Variants in THRAP3 observed in about 807,000 individuals in gnomAD.
THRAP3 encodes the protein thyroid hormone receptor-associated protein 3.
THRAP3 carries 16 observed loss-of-function variants against 101.0 expected under a neutral mutation model. The observed-to-expected ratio is 0.16, with a 90% CI of 0.11 to 0.24. The LOEUF (loss-of-function observed/expected upper bound fraction) is 0.24, where lower values mean the gene tolerates loss of function less well. Among genes scored for constraint, THRAP3 ranks in the 10% least tolerant of loss-of-function variants. THRAP3 has a pLI of 1.00. For missense variants in THRAP3, 989 were observed against 1,202.7 expected (o/e 0.82, Z 2.63); for synonymous variants, 407 against 422.6 (o/e 0.96, Z 0.45).
chr1:36,268,050 C>T (rs1222741463), intron 2 of THRAP3, among the ~76,000 whole-genome samples: 2 of 151,700 alleles, frequency 1.3e-5, no homozygotes, highest in African/African-American at 4.8e-5. Flanking sequence ...TGTGGTAGCA[C>T]GCAGCTGTAA....
At chr1:36,303,768 C>T (rs758692636) in intron 11 of THRAP3, 28 bp from the exon 12 acceptor site, 22 of 1,613,464 alleles carry the variant, frequency 1.4e-5, no homozygotes, top group Non-Finnish European at 1.6e-5. Flanking sequence ...TTCACTCTGG[C>T]ACTGATGGCA....
At chr1:36,249,751 TGA>T (rs1167898333) in intron 1 of THRAP3, among the ~76,000 whole-genome samples, 1 of 141,262 alleles carries the variant, frequency 7.1e-6, no homozygotes, top group Non-Finnish European at 1.6e-5. Flanking sequence ...GGTGGTTTGG[TGA>T]GAGGAGGCTA....
chr1:36,255,955 T>C (rs1450691877), intron 1 of THRAP3, among the ~76,000 whole-genome samples: 2 of 150,904 alleles, frequency 1.3e-5, no homozygotes, highest in Non-Finnish European at 3.0e-5. Flanking sequence ...GTGTGGAACA[T>C]GGGAGCGTTC....
intron 1 of THRAP3, among the ~76,000 whole-genome samples, chr1:36,239,588 C>T (rs538290763): frequency 5.3e-4 from 81 of 152,258 alleles, no homozygotes; most frequent in African/African-American, 1.9e-3. Flanking sequence ...TACATTTCAT[C>T]ATCCCTGTAA....
In THRAP3 at chr1:36,296,667, C is replaced by T. The variant is rs1307046259; in HGVS notation, c.2200C>T (p.Arg734Ter). 2 of 1,609,836 alleles carry T rather than the reference C, an allele frequency of 1.2e-6. No individual in the cohort carries two copies. Among genetic ancestry groups the T allele is most frequent in the African/African-American group, 1.3e-5 (1 of 74,734 alleles). The change falls in exon 9 of 12, where the codon CGA (arginine) becomes TGA (stop). Residue 734 changes from arginine (R) to a stop codon, truncating the protein, a stop_gained. Coordinates refer to ENST00000354618, the MANE Select transcript of THRAP3 (RefSeq NM_005119.4). LOFTEE classifies it high-confidence loss of function. Reference protein sequence around the residue: ...RKKHKERDLKRGKSRESVDSR... With the variant: ...RKKHKERDLK Reference sequence around the variant, plus strand: ...AAAACATAAGGAGAGAGATCTTAAACGAGGTAAATCGAGAGAATCAGTGGA... The same window carrying T: ...AAAACATAAGGAGAGAGATCTTAAATGAGGTAAATCGAGAGAATCAGTGGA...
At chr1:36,290,834 G>A (rs188532879) in intron 5 of THRAP3, among the ~76,000 whole-genome samples, 2 of 152,330 alleles carry the variant, frequency 1.3e-5, no homozygotes, top group East Asian at 3.9e-4. Context: ...AGAGTTGGGA[G>A]GCCAAGGCTG....
At chr1:36,281,839 G>C (rs369583953) in intron 2 of THRAP3, among the ~76,000 whole-genome samples, 3 of 152,012 alleles carry the variant, frequency 2.0e-5, no homozygotes, top group East Asian at 3.9e-4. Context: ...GGGAGGCCGA[G>C]CCGGGCAGAT....
At chr1:36,244,930 C>T (rs1282982567) in intron 1 of THRAP3, among the ~76,000 whole-genome samples, 1 of 151,942 alleles carries the variant, frequency 6.6e-6, no homozygotes, top group African/African-American at 2.4e-5. Flanking sequence ...TGATGTTGGC[C>T]AGGATGGTCT....
upstream of THRAP3, chr1:36,224,402 C>G (rs1440750054): frequency 2.0e-5 from 3 of 152,812 alleles, no homozygotes; most frequent in African/African-American, 7.2e-5. Flanking sequence ...ACGCCGTCGC[C>G]GTCGTCGGAG....
At position 36,304,479 on chromosome 1, in the gene THRAP3, T is replaced by G; in HGVS notation, c.*462T>G. Reference sequence around the variant, plus strand: ...TTTTTTTTTTCTTTTTTTAGGCATATGTAGTAATATTAGAAACATTTAATT... The same window carrying G: ...TTTTTTTTTTCTTTTTTTAGGCATAGGTAGTAATATTAGAAACATTTAATT... On this transcript the variant is annotated 3_prime_UTR_variant, in exon 12 of 12. Coordinates refer to ENST00000354618, the MANE Select transcript of THRAP3 (RefSeq NM_005119.4). The G allele has an allele frequency of 4.4e-6, 1 of 225,550 alleles. No homozygotes were observed. The highest frequency in any genetic ancestry group is 8.8e-6 in the Non-Finnish European group (1 of 113,934). The allele number at this position is 225,550 out of a possible 1,614,324, so 14.0% of individuals were successfully genotyped here. A position where few individuals can be genotyped will look rare whatever the true frequency, so the allele number is the denominator to read the frequency against.
chr1:36,225,625 C>T (rs941241618), intron 1 of THRAP3, among the ~76,000 whole-genome samples: 9 of 151,874 alleles, frequency 5.9e-5, no homozygotes, highest in Admixed American at 6.6e-5. Context: ...TATTTTTCTT[C>T]TGTTTCAGAT....
chr1:36,215,630 C>T, the THRAP3 span, among the ~76,000 whole-genome samples: 1 of 152,188 alleles, frequency 6.6e-6, no homozygotes, highest in Non-Finnish European at 1.5e-5. Flanking sequence ...TTGCAGACCA[C>T]AGTCTCTGTT....
At chr1:36,215,386 G>T in the THRAP3 span, among the ~76,000 whole-genome samples, 2 of 152,132 alleles carry the variant, frequency 1.3e-5, no homozygotes, top group Non-Finnish European at 2.9e-5. Context: ...GTCAATGGCA[G>T]ACCTAACAAC....
chr1:36,234,041 G>C (rs771186615), intron 1 of THRAP3, among the ~76,000 whole-genome samples: 11 of 151,946 alleles, frequency 7.2e-5, no homozygotes, highest in Non-Finnish European at 1.2e-4. Context: ...CCTCAGCCTG[G>C]ACCTCTTGGG....
chr1:36,292,834 C>G (rs1570341340), intron 7 of THRAP3, 125 bp downstream of exon 7: 1 of 669,976 alleles, frequency 1.5e-6, no homozygotes, highest in Non-Finnish European at 2.6e-6. Flanking sequence ...ATCCTTCAGA[C>G]TCTAAGAGAG....
intron 5 of THRAP3, among the ~76,000 whole-genome samples, chr1:36,290,987 G>C (rs1284615122): frequency 6.6e-6 from 1 of 152,068 alleles, no homozygotes; most frequent in Non-Finnish European, 1.5e-5. Context: ...TTTATTGATT[G>C]ATTGATTGAA....
At chr1:36,297,572 C>G (rs2124637381) in intron 9 of THRAP3, among the ~76,000 whole-genome samples, 1 of 151,762 alleles carries the variant, frequency 6.6e-6, no homozygotes, top group Non-Finnish European at 1.5e-5. Flanking sequence ...CCTCAGCCTC[C>G]TGAGTAGCTG....
At chr1:36,297,774 G>A (rs1249012063) in intron 9 of THRAP3, among the ~76,000 whole-genome samples, 1 of 151,518 alleles carries the variant, frequency 6.6e-6, no homozygotes, top group South Asian at 2.1e-4. Flanking sequence ...ATAACCCCTT[G>A]AGATAAATTG....
rs145120723 is a variant in THRAP3 at position 36,264,940 on chromosome 1, A to G, written c.-32+5456A>G. Among the ~76,000 whole-genome samples the G allele has an allele frequency of 3.9e-5, 6 of 152,330 alleles. No individual in the cohort carries two copies. In the East Asian group the frequency reaches 1.2e-3, roughly 29 times the overall value. On this transcript the variant is annotated intron_variant, in intron 2 of 11. Transcript: ENST00000354618. ...GCAGGATTGGTTCTTCTAGAGAGCC[A>G]TGACAGAAGGATCTGTTCCAGGCCC...
Sources: allele counts gnomAD v4.1 joint callset (sites outside exome capture counted in the v4.1 genomes callset), GRCh38; gene constraint gnomAD v4.1.1; transcripts MANE v1.5; gene names NCBI Gene and HGNC (gene_info 2026-07-23, HGNC 2026-07-21).